HERC4: variants seen among roughly 807,000 people sequenced by gnomAD.
The protein encoded by HERC4 is probable E3 ubiquitin-protein ligase HERC4.
HERC4 carries 28 observed loss-of-function variants against 124.3 expected under a neutral mutation model. The observed-to-expected ratio is 0.23, with a 90% CI of 0.17 to 0.31. The LOEUF is 0.31. HERC4 is among the 10% of genes least tolerant of loss of function. The pLI, the probability that HERC4 is intolerant of heterozygous loss-of-function variation, is 1.00. For missense variants in HERC4, 713 were observed against 1,229.3 expected, an observed-to-expected ratio of 0.58 and a Z score of 6.28; for synonymous variants, 407 against 421.5, an observed-to-expected ratio of 0.97 and a Z score of 0.42.
At chr10:68,008,182 TTAA>T in intron 9 of HERC4, among the ~76,000 whole-genome samples, 1 of 152,312 alleles carries the variant, frequency 6.6e-6, no homozygotes, top group South Asian at 2.1e-4. Context: ...GCTGAGATTC[TTAA>T]TAGTTGGGGT....
At chr10:68,069,690 G>A (rs2041472920) in intron 3 of HERC4, 1 of 985,328 alleles carries the variant, frequency 1.0e-6, no homozygotes, top group Non-Finnish European at 1.2e-6. Flanking sequence ...GCCAACCTAT[G>A]TAAAGAAACA....
chr10:68,039,190 G>T (rs999190887), intron 4 of HERC4, among the ~76,000 whole-genome samples: 2 of 150,186 alleles, frequency 1.3e-5, no homozygotes, highest in African/African-American at 4.9e-5. Context: ...GTGGTGGCAC[G>T]CTGTAGTCCC....
intron 16 of HERC4, among the ~76,000 whole-genome samples, chr10:67,958,958 T>A (rs1047020423): frequency 2.0e-5 from 3 of 152,138 alleles, no homozygotes; most frequent in Non-Finnish European, 2.9e-5. Context: ...TACAAGATAA[T>A]CTCTACAGAC....
chr10:67,957,234 A>G (rs1012113969), intron 16 of HERC4, among the ~76,000 whole-genome samples: 5 of 152,210 alleles, frequency 3.3e-5, no homozygotes, highest in African/African-American at 7.2e-5. Context: ...TTTGCTTAGC[A>G]TATGTTAATT....
intron 3 of HERC4, chr10:68,068,206 C>A: frequency 6.6e-6 from 1 of 152,280 alleles, no homozygotes; most frequent in Non-Finnish European, 1.5e-5. Flanking sequence ...AAAAATTGGC[C>A]AGGCCTGGTG....
At position 67,954,752 on chromosome 10, in the gene HERC4, A is replaced by G. The variant is rs1011791123; in HGVS notation, c.2194-14T>C. ...AACAAATATAACCTAAAATAGCACA[A>G]TGCAAACACCAAATAGACTGTAAAG... is the stretch of plus-strand genomic sequence containing the variant. On this transcript the variant is annotated splice_polypyrimidine_tract_variant and intron_variant, in intron 18 of 24. Transcript: ENST00000373700. 13 of 1,610,560 alleles carry G rather than the reference A, an allele frequency of 8.1e-6. No individual in the cohort carries two copies. The highest frequency in any genetic ancestry group is 1.3e-5 in the African/African-American group (1 of 74,972).
chr10:68,062,259 TAAAAG>T (rs1380317374), intron 3 of HERC4, among the ~76,000 whole-genome samples: 2 of 152,196 alleles, frequency 1.3e-5, no homozygotes, highest in Non-Finnish European at 2.9e-5. Flanking sequence ...ACTTGCCTCT[TAAAAG>T]AGAATATTTC....
intron 23 of HERC4, among the ~76,000 whole-genome samples, chr10:67,928,504 T>A (rs1352970755): frequency 6.6e-6 from 1 of 152,196 alleles, no homozygotes; most frequent in Non-Finnish European, 1.5e-5. Flanking sequence ...GGGACATGCA[T>A]GGTCCAATTA....
rs2030372350 is a variant in HERC4, at chr10:67,922,897, T to G, written c.*34A>C. On this transcript the variant is annotated 3_prime_UTR_variant, in exon 25 of 25. Coordinates refer to ENST00000373700, the MANE Select transcript of HERC4 (RefSeq NM_015601.4). The stretch of plus-strand genomic sequence containing the variant: ...AAGAAAAACACAAATAGTTTAATGC[T>G]TTTGCACTAAACTGAATAGTTATAA... 1 of 1,380,174 alleles carries G rather than the reference T, an allele frequency of 7.2e-7. No individual in the cohort carries two copies. The highest frequency in any genetic ancestry group is 1.0e-6 in the Non-Finnish European group (1 of 991,152). 85.5% of individuals were successfully genotyped at this position (1,380,174 alleles called of 1,614,324 possible). A position where few individuals can be genotyped will look rare whatever the true frequency, so the allele number is the denominator to read the frequency against.
chr10:68,003,328 A>ATTT (rs34287961), intron 9 of HERC4, among the ~76,000 whole-genome samples: 46 of 130,834 alleles, frequency 3.5e-4, no homozygotes, highest in African/African-American at 8.6e-4. Flanking sequence ...TGCCTGACTA[A>ATTT]TTTTTTTTTT....
At chr10:68,049,707 T>C (rs1055625424) in intron 3 of HERC4, among the ~76,000 whole-genome samples, 5 of 150,712 alleles carry the variant, frequency 3.3e-5, no homozygotes, top group African/African-American at 9.8e-5. Flanking sequence ...ATCCAGGAGT[T>C]CGAAACCAGC....
chr10:68,069,784 T>C, intron 3 of HERC4: 1 of 982,110 alleles, frequency 1.0e-6, no homozygotes, highest in African/African-American at 1.7e-5. Flanking sequence ...GGCTCACGCC[T>C]GTAATCCCAG....
chr10:67,951,829 T>G (rs946551494), intron 19 of HERC4, among the ~76,000 whole-genome samples: 1 of 152,100 alleles, frequency 6.6e-6, no homozygotes, highest in African/African-American at 2.4e-5. Context: ...CTTCCACAAT[T>G]CCTTCATTCA....
Position 67,954,669 on chromosome 10 carries a change from T to G in HERC4, c.2263A>C (p.Arg755=), listed in dbSNP as rs750769396. The change falls in exon 19 of 25, where the codon AGG becomes CGG. Residue 755 remains arginine, a synonymous_variant. Transcript: ENST00000373700. ...CCGTATTTAGGATCCAATAATTCCCTCATGATGAGCAAGAAAAATTCTTTG... is the reference window on the plus strand; with the variant it reads ...CCGTATTTAGGATCCAATAATTCCCGCATGATGAGCAAGAAAAATTCTTTG... ...VRKEFFLLIM[R]ELLDPKYGMF... 2.5e-6 allele frequency: 4 copies of G among 1,613,744 alleles called. No homozygotes were observed. In the South Asian group the frequency reaches 3.3e-5, roughly 13 times the overall value.
intron 16 of HERC4, chr10:67,966,273 C>T (rs1464406850): frequency 5.7e-6 from 1 of 173,974 alleles, no homozygotes; most frequent in African/African-American, 2.4e-5. Flanking sequence ...CCACCACACC[C>T]AGTCCTCTTT....
At chr10:68,038,756 A>C (rs1322739770) in intron 4 of HERC4, among the ~76,000 whole-genome samples, 1 of 152,218 alleles carries the variant, frequency 6.6e-6, no homozygotes, top group Non-Finnish European at 1.5e-5. Context: ...ATTCACAGTT[A>C]TAACAATCAT....
intron 15 of HERC4, among the ~76,000 whole-genome samples, chr10:67,970,030 C>A (rs933847924): frequency 1.1e-4 from 17 of 152,156 alleles, no homozygotes; most frequent in Non-Finnish European, 2.1e-4. Context: ...AACCATTTGA[C>A]ACCCCACTTC....
chr10:68,025,927 T>C (rs1424245238), intron 7 of HERC4, among the ~76,000 whole-genome samples: 1 of 152,206 alleles, frequency 6.6e-6, no homozygotes, highest in African/African-American at 2.4e-5. Flanking sequence ...TTTATTTGCA[T>C]TGCCTTTCAT....
At chr10:68,015,789 T>C (rs987247848) in intron 8 of HERC4, among the ~76,000 whole-genome samples, 1 of 152,148 alleles carries the variant, frequency 6.6e-6, no homozygotes, top group African/African-American at 2.4e-5. Flanking sequence ...TTGAATCATC[T>C]TGGGGTGAAT....
Sources: allele counts gnomAD v4.1 joint callset (sites outside exome capture counted in the v4.1 genomes callset), GRCh38; gene constraint gnomAD v4.1.1; transcripts MANE v1.5; gene names NCBI Gene and HGNC (gene_info 2026-07-23, HGNC 2026-07-21).